PGM2L1: variants seen among roughly 807,000 people sequenced by gnomAD.
PGM2L1 encodes phosphoglucomutase 2 like 1.
Under a neutral mutation model 73.4 loss-of-function variants are expected in PGM2L1, and 35 were observed. The observed-to-expected ratio is 0.48, with a 90% CI of 0.36 to 0.63. PGM2L1 has a LOEUF of 0.63. PGM2L1 is among the 30% of genes least tolerant of loss of function. The probability of loss-of-function intolerance (pLI) is 0.00; values close to 1 mark genes in which losing one functional copy is unlikely to be tolerated. For synonymous variants in PGM2L1, 225 were observed against 253.8 expected, an observed-to-expected ratio of 0.89 and a Z score of 1.08; for missense variants, 570 against 742.0, an observed-to-expected ratio of 0.77 and a Z score of 2.69.
At chr11:74,358,586 G>A (rs1285160020) in intron 5 of PGM2L1, among the ~76,000 whole-genome samples, 1 of 152,160 alleles carries the variant, frequency 6.6e-6, no homozygotes, top group Non-Finnish European at 1.5e-5. Flanking sequence ...TATTCCCTTT[G>A]ATCCAGAAGT....
chr11:74,344,623 C>T lies in PGM2L1; in HGVS notation c.1218+846G>A, dbSNP rs962109241. The stretch of plus-strand genomic sequence containing the variant: ...AAAGTCAAAAACCTCCCTGCTACAA[C>T]AAAAACAAGCAAATAAAATTATAAT... On this transcript the variant is annotated intron_variant, in intron 9 of 13. Coordinates refer to ENST00000298198, the MANE Select transcript of PGM2L1 (RefSeq NM_173582.6). Among the ~76,000 whole-genome samples the T allele has an allele frequency of 2.0e-5, 3 of 152,194 alleles. No homozygotes were observed. In the South Asian group the frequency reaches 6.2e-4, roughly 32 times the overall value.
chr11:74,381,901 T>TC (rs375797201), intron 1 of PGM2L1, among the ~76,000 whole-genome samples: 16 of 151,054 alleles, frequency 1.1e-4, no homozygotes, highest in Non-Finnish European at 2.1e-4. Flanking sequence ...AACCATTGCT[T>TC]CCCCCCCACC....
chr11:74,361,153 G>A (rs1488959345), intron 5 of PGM2L1, among the ~76,000 whole-genome samples: 1 of 152,162 alleles, frequency 6.6e-6, no homozygotes, highest in Non-Finnish European at 1.5e-5. Flanking sequence ...CCCCCCAGTA[G>A]GGGCAGACTG....
At chr11:74,382,795 G>A (rs1433931690) in intron 1 of PGM2L1, among the ~76,000 whole-genome samples, 7 of 152,138 alleles carry the variant, frequency 4.6e-5, no homozygotes, top group African/African-American at 1.7e-4. Flanking sequence ...CACCGCACCT[G>A]CTTTGTACTA....
intron 5 of PGM2L1, among the ~76,000 whole-genome samples, chr11:74,365,855 T>C (rs1862647104): frequency 6.6e-6 from 1 of 152,178 alleles, no homozygotes; most frequent in Non-Finnish European, 1.5e-5. Context: ...AGCAATCCCA[T>C]TACTGGGTAT....
At chr11:74,387,904 C>T (rs958922635) in intron 1 of PGM2L1, among the ~76,000 whole-genome samples, 5 of 152,258 alleles carry the variant, frequency 3.3e-5, no homozygotes, top group South Asian at 2.1e-4. Context: ...TTAGAGGTGC[C>T]GCTTACAGCT....
intron 1 of PGM2L1, among the ~76,000 whole-genome samples, chr11:74,380,710 A>ATTT (rs1862930334): frequency 1.3e-5 from 2 of 152,180 alleles, no homozygotes; most frequent in Non-Finnish European, 2.9e-5. Context: ...AAGCACATAC[A>ATTT]TTGAGCTCAA....
chr11:74,359,817 C>T (rs778254458), intron 5 of PGM2L1, among the ~76,000 whole-genome samples: 10 of 152,114 alleles, frequency 6.6e-5, no homozygotes, highest in Non-Finnish European at 1.3e-4. Flanking sequence ...AGAAACTGTA[C>T]TAGGGGACAG....
chr11:74,343,572 A>G (rs556663864), intron 9 of PGM2L1, among the ~76,000 whole-genome samples, 156 bp from the exon 10 acceptor site: 168 of 152,252 alleles, frequency 1.1e-3, no homozygotes, highest in African/African-American at 3.8e-3. Context: ...TATAGTAATG[A>G]AGGGCCATAA....
intron 2 of PGM2L1, 50 bp downstream of exon 2, chr11:74,374,365 A>G: frequency 6.9e-7 from 1 of 1,439,800 alleles, no homozygotes; most frequent in Non-Finnish European, 9.4e-7. Context: ...TACAGGCATG[A>G]GCCACCATGT....
intron 5 of PGM2L1, among the ~76,000 whole-genome samples, chr11:74,361,297 T>G (rs945013908): frequency 7.9e-5 from 12 of 152,122 alleles, no homozygotes; most frequent in African/African-American, 2.7e-4. Context: ...GGGTCTGGAG[T>G]GGACCTCCAG....
At chr11:74,363,643 C>A (rs1156887668) in intron 5 of PGM2L1, among the ~76,000 whole-genome samples, 2 of 152,044 alleles carry the variant, frequency 1.3e-5, no homozygotes, top group Non-Finnish European at 2.9e-5. Context: ...ACACATACAC[C>A]CTCCCAAGAC....
chr11:74,336,842 ATGGAG>A, intron 13 of PGM2L1, 88 bp from the exon 14 acceptor site: 1 of 824,410 alleles, frequency 1.2e-6, no homozygotes, highest in Non-Finnish European at 1.8e-6. Context: ...AGAGGTCCTG[ATGGAG>A]TCATTAAACA....
rs959264289 is a variant in PGM2L1 at position 74,338,887 on chromosome 11, T to C, written c.1633-286A>G. ...ACTATACACTTAAAAATGGTTAAGA[T>C]AGTTAATTTTTGTTATGTGTTTTTT... is the stretch of plus-strand genomic sequence containing the variant. On this transcript the variant is annotated intron_variant, in intron 12 of 13. Transcript: ENST00000298198. 2.7e-5 allele frequency among the ~76,000 whole-genome samples: 4 copies of C among 150,536 alleles called. No individual in the cohort carries two copies. The East Asian group carries it at 5.8e-4, about 22-fold the overall frequency.
intron 12 of PGM2L1, 42 bp from the exon 13 acceptor site, chr11:74,338,643 T>G (rs748263926): frequency 2.0e-5 from 30 of 1,531,466 alleles, no homozygotes; most frequent in Non-Finnish European, 5.3e-6. Flanking sequence ...ACTTGGCATC[T>G]TTTTCATTTT....
chr11:74,361,261 C>A (rs1273351587), intron 5 of PGM2L1, among the ~76,000 whole-genome samples: 1 of 152,202 alleles, frequency 6.6e-6, no homozygotes, highest in Admixed American at 6.5e-5. Context: ...GTTCTGCAGC[C>A]TCCACTGCTG....
chr11:74,392,043 A>AT (rs1379763159), intron 1 of PGM2L1, among the ~76,000 whole-genome samples: 8 of 152,244 alleles, frequency 5.3e-5, no homozygotes, highest in African/African-American at 2.4e-5. Context: ...GTGAATTCCC[A>AT]TTTTTTATAG....
Position 74,368,486 on chromosome 11 carries a change from G to A in PGM2L1, c.555+6C>T, listed in dbSNP as rs780972430. 22 of 1,606,956 alleles carry A rather than the reference G, an allele frequency of 1.4e-5. No homozygotes were observed. In the South Asian group the frequency reaches 1.4e-4, roughly 10 times the overall value. ...GATAAGCAAAGGTCAGGAGTCCAAG[G>A]TTTACCTTGTATCCATTGTCTTCCT... On this transcript the variant is annotated splice_donor_region_variant and intron_variant, in intron 5 of 13. Coordinates refer to ENST00000298198, the MANE Select transcript of PGM2L1 (RefSeq NM_173582.6).
At chr11:74,356,489 C>A (rs561680899) in intron 5 of PGM2L1, among the ~76,000 whole-genome samples, 229 of 152,244 alleles carry the variant, frequency 1.5e-3, no homozygotes, top group Non-Finnish European at 2.9e-3. Context: ...TAGAAAGACA[C>A]ACCCTATTCT....
Sources: allele counts gnomAD v4.1 joint callset (sites outside exome capture counted in the v4.1 genomes callset), GRCh38; gene constraint gnomAD v4.1.1; transcripts MANE v1.5; gene names NCBI Gene and HGNC (gene_info 2026-07-23, HGNC 2026-07-21).